Variants in PLCE1 observed in about 807,000 individuals in gnomAD.
PLCE1 encodes phospholipase C epsilon 1.
PLCE1 carries 119 observed loss-of-function variants against 242.8 expected under a neutral mutation model. That is an observed-to-expected ratio of 0.49 (90% CI 0.42 to 0.57). PLCE1 has a LOEUF of 0.57. Among genes scored for constraint, PLCE1 ranks in the 20% least tolerant of loss-of-function variants. The probability of loss-of-function intolerance (pLI) is 0.00; values close to 1 mark genes in which losing one functional copy is unlikely to be tolerated. For synonymous variants in PLCE1, 945 were observed against 1,017.4 expected (o/e 0.93, Z 1.35); for missense variants, 2,441 against 2,788.8 (o/e 0.88, Z 2.81).
intron 5 of PLCE1, among the ~76,000 whole-genome samples, chr10:94,231,961 C>T (rs926337482): frequency 6.6e-6 from 1 of 152,128 alleles, no homozygotes; most frequent in African/African-American, 2.4e-5. Flanking sequence ...GGGGTGGGGA[C>T]CCCTGGTCTA....
chr10:94,004,836 A>G (rs1256378402), intron 1 of PLCE1, among the ~76,000 whole-genome samples: 1 of 152,220 alleles, frequency 6.6e-6, no homozygotes. Context: ...CCTGAGCCAG[A>G]TGATCATGCA....
At chr10:94,290,200 CTT>C (rs1336831048) in intron 22 of PLCE1, among the ~76,000 whole-genome samples, 2 of 142,708 alleles carry the variant, frequency 1.4e-5, no homozygotes, top group Non-Finnish European at 3.1e-5. Flanking sequence ...GCTAATTTTT[CTT>C]TTTTTTTTTA....
intron 7 of PLCE1, among the ~76,000 whole-genome samples, chr10:94,243,799 GCC>G (rs60684851): frequency 0.049 from 7,521 of 152,128 alleles, 278 homozygotes; most frequent in African/African-American, 0.11. Flanking sequence ...CTACTAATAT[GCC>G]TTCCTAAATA....
At chr10:94,259,302 G>A (rs1237205051) in intron 13 of PLCE1, 152 bp downstream of exon 13, 1 of 671,592 alleles carries the variant, frequency 1.5e-6, no homozygotes, top group African/African-American at 2.0e-5. Flanking sequence ...TTTTTTTTTT[G>A]AGATGCAGTC....
intron 3 of PLCE1, among the ~76,000 whole-genome samples, chr10:94,167,017 T>A (rs1489331120): frequency 1.3e-5 from 2 of 152,120 alleles, no homozygotes; most frequent in Non-Finnish European, 2.9e-5. Context: ...GGGCCAGGCA[T>A]GGTGGCTCAC....
rs1185969318 is a variant in PLCE1, at chr10:94,330,018, A to AT, written c.*2076dup. 1 of 152,222 alleles carries AT rather than the reference A, an allele frequency of 6.6e-6. No homozygotes were observed. Among genetic ancestry groups the AT allele is most frequent in the Non-Finnish European group, 1.5e-5 (1 of 68,032 alleles). The allele number at this position is 152,222 out of a possible 1,614,324, so 9.4% of individuals were successfully genotyped here. ...TCCGGAAACACTTTATCAAGCCTCT[A>AT]TAAGTGAACATGCCAAACAGTTTGC... On this transcript the variant is annotated 3_prime_UTR_variant, in exon 33 of 33. Coordinates refer to ENST00000371380, the MANE Select transcript of PLCE1 (RefSeq NM_016341.4).
In PLCE1 at chr10:94,231,591, T is replaced by TAA. The variant is rs35911886; in HGVS notation, c.1956-2451_1956-2450dup. 4.6e-3 allele frequency among the ~76,000 whole-genome samples: 604 copies of TAA among 130,736 alleles called. 2 individuals are homozygous for TAA. The highest frequency in any genetic ancestry group is 0.014 in the African/African-American group (479 of 33,988). The allele number at this position is 130,736 out of a possible 152,430, so 85.8% of individuals were successfully genotyped here. On this transcript the variant is annotated intron_variant, in intron 5 of 32. Transcript: ENST00000371380. ...TGAGTCTTGCAAATTTAAGGCTGTA[T>TAA]AAAAAAAAAAAAAGCAAGTTGTTTA... is the stretch of plus-strand genomic sequence containing the variant.
intron 4 of PLCE1, among the ~76,000 whole-genome samples, chr10:94,172,601 AG>A (rs148563504): frequency 7.7e-4 from 117 of 152,226 alleles, no homozygotes; most frequent in African/African-American, 2.7e-3. Context: ...GTGAGACAGG[AG>A]GATCGCTTGA....
intron 3 of PLCE1, among the ~76,000 whole-genome samples, chr10:94,165,223 C>G (rs530616494): frequency 1.3e-5 from 2 of 152,316 alleles, no homozygotes; most frequent in East Asian, 3.9e-4. Context: ...GCCCTGCCCC[C>G]AGAGGTGGAG....
intron 2 of PLCE1, among the ~76,000 whole-genome samples, chr10:94,113,511 G>A (rs746860873): frequency 6.6e-6 from 1 of 152,316 alleles, no homozygotes; most frequent in Non-Finnish European, 1.5e-5. Flanking sequence ...GCTGGGAGCC[G>A]TAGGTGAGAA....
At chr10:94,299,946 A>G (rs2052976643) in intron 24 of PLCE1, among the ~76,000 whole-genome samples, 1 of 152,234 alleles carries the variant, frequency 6.6e-6, no homozygotes, top group South Asian at 2.1e-4. Context: ...AAACAGTATG[A>G]TTTGGGCTCA....
chr10:94,059,574 T>A (rs576722903), intron 2 of PLCE1, among the ~76,000 whole-genome samples: 19 of 152,248 alleles, frequency 1.2e-4, no homozygotes, highest in African/African-American at 4.3e-4. Context: ...TATTGAGATC[T>A]GGAGGGGCTA....
rs1419310286 is a variant in PLCE1 at position 94,094,601 on chromosome 10, C to T, written c.1207-37573C>T. 2.6e-5 allele frequency: 4 copies of T among 152,228 alleles called. No individual in the cohort carries two copies. In the East Asian group the frequency reaches 7.7e-4, roughly 29 times the overall value. 9.4% of individuals were successfully genotyped at this position (152,228 alleles called of 1,614,324 possible). A position where few individuals can be genotyped will look rare whatever the true frequency, so the allele number is the denominator to read the frequency against. On this transcript the variant is annotated intron_variant, in intron 2 of 32. Coordinates refer to ENST00000371380, the MANE Select transcript of PLCE1 (RefSeq NM_016341.4). ...CACATGAAAGTTGGAAGAGGACAGT[C>T]AAGGAAGGGAATGATTAGACATGGA...
chr10:94,212,398 A>G (rs2049367723), intron 4 of PLCE1, among the ~76,000 whole-genome samples: 1 of 152,192 alleles, frequency 6.6e-6, no homozygotes, highest in Non-Finnish European at 1.5e-5. Context: ...CTGGGACTAC[A>G]GGCATCCACC....
Position 94,324,958 on chromosome 10 carries a change from A to G in PLCE1, c.6787A>G (p.Thr2263Ala), listed in dbSNP as rs2053955838. The stretch of plus-strand genomic sequence containing the variant: ...TGAACTCAAGAAGCTCACCAAGTCA[A>G]CTAAACAGCCCCGAGGACTTACATC... ...ASELKKLTKS[T>A]KQPRGLTSPS... The change falls in exon 32 of 33, where the codon ACT becomes GCT. Residue 2263 changes from threonine to alanine, a missense_variant. Around this residue, in one of 5 missense-constraint regions of PLCE1, gnomAD observed 310 missense variants for 317.2 expected, o/e 0.98. Transcript: ENST00000371380. 2 of 1,614,086 alleles carry G rather than the reference A, an allele frequency of 1.2e-6. No individual in the cohort carries two copies. The highest frequency in any genetic ancestry group is 8.5e-7 in the Non-Finnish European group (1 of 1,180,026).
At chr10:94,193,936 T>A (rs2048742383) in intron 4 of PLCE1, among the ~76,000 whole-genome samples, 1 of 152,200 alleles carries the variant, frequency 6.6e-6, no homozygotes, top group South Asian at 2.1e-4. Context: ...TCACAGAAAG[T>A]GTAGAATGAA....
Position 94,246,596 on chromosome 10 carries a change from G to A in PLCE1, c.3071G>A (p.Arg1024Gln), listed in dbSNP as rs762313611. The change falls in exon 8 of 33, where the codon CGG becomes CAG. Residue 1024 changes from arginine (R) to glutamine (Q), a missense_variant. Physicochemically the swap from Arg to Gln is conservative, Grantham distance 43 (BLOSUM62 1). Transcript: ENST00000371380. ...KFPDQRQQWL[R>Q]KQYVSLYQED... ...CCTGACCAAAGACAGCAGTGGCTGCGGAAACAGTACGTCAGCCTTTATCAG... is the reference window on the plus strand; with the variant it reads ...CCTGACCAAAGACAGCAGTGGCTGCAGAAACAGTACGTCAGCCTTTATCAG... 7 of 1,614,046 alleles carry A rather than the reference G, an allele frequency of 4.3e-6. No homozygotes were observed. Among genetic ancestry groups the A allele is most frequent in the Non-Finnish European group, 5.9e-6 (7 of 1,179,948 alleles).
intron 18 of PLCE1, 25 bp from the exon 19 acceptor site, chr10:94,273,537 G>T (rs1267251063): frequency 1.2e-6 from 2 of 1,601,488 alleles, no homozygotes; most frequent in East Asian, 2.2e-5. Flanking sequence ...GGCATTGATT[G>T]TATGTTTTCC....
intron 1 of PLCE1, among the ~76,000 whole-genome samples, chr10:93,997,802 GC>G (rs1305506983): frequency 6.6e-6 from 1 of 152,142 alleles, no homozygotes; most frequent in East Asian, 1.9e-4. Flanking sequence ...TGTTTAGCTT[GC>G]CCCTTTCCAC....
Sources: allele counts gnomAD v4.1 joint callset (sites outside exome capture counted in the v4.1 genomes callset), GRCh38; gene constraint gnomAD v4.1.1; regional missense constraint gnomAD v4.1.1; transcripts MANE v1.5; gene names NCBI Gene and HGNC (gene_info 2026-07-23, HGNC 2026-07-21).